RUFY3: variants seen among roughly 807,000 people sequenced by gnomAD.
RUFY3 encodes protein RUFY3.
A neutral mutation model predicts 84.0 loss-of-function variants in RUFY3; 34 were observed. The ratio of observed to expected loss-of-function variants is 0.40; its 90% confidence interval spans 0.31 to 0.54. The LOEUF (loss-of-function observed/expected upper bound fraction) is 0.54. RUFY3 is among the 20% of genes least tolerant of loss of function. The pLI, the probability that RUFY3 is intolerant of heterozygous loss-of-function variation, is 0.39. For synonymous variants in RUFY3, 242 were observed against 252.9 expected (o/e 0.96, Z 0.41); for missense variants, 507 against 736.8 (o/e 0.69, Z 3.61).
chr4:70,804,359 GCT>G lies in RUFY3; in HGVS notation c.1667_1668del (p.Ser556Ter), dbSNP rs1361720440. 6.2e-7 allele frequency: 1 copy of G among 1,613,866 alleles called. No homozygotes were observed. Among genetic ancestry groups the G allele is most frequent in the African/African-American group, 1.3e-5 (1 of 74,910 alleles). On this transcript the variant is annotated frameshift_variant, in exon 17 of 18. Transcript: ENST00000381006. LOFTEE classifies it high-confidence loss of function. ...HPMDEQDQLL[L>X]SEKPQLCQLC... The stretch of plus-strand genomic sequence containing the variant: ...CCTGTGTGGTTTAGGATCAGCTGCT[GCT>G]CTCTGAAAAGCCACAGTTGTGTCAG...
chr4:70,739,229 A>G (rs754431395), intron 1 of RUFY3, among the ~76,000 whole-genome samples: 1 of 152,194 alleles, frequency 6.6e-6, no homozygotes, highest in Admixed American at 6.5e-5. Context: ...GGTTAGTTTA[A>G]TAGCACCTCA....
intron 1 of RUFY3, among the ~76,000 whole-genome samples, chr4:70,757,891 G>A (rs1364942724): frequency 2.6e-5 from 4 of 152,306 alleles, no homozygotes; most frequent in African/African-American, 9.6e-5. Context: ...CTATTGGAAT[G>A]ATAGTGTTAA....
chr4:70,790,058 TTTCTC>T (rs1194210938), intron 12 of RUFY3: 12 of 219,314 alleles, frequency 5.5e-5, no homozygotes, highest in South Asian at 3.3e-4. Context: ...CTTTAACCCT[TTTCTC>T]TTATCTCCCT....
chr4:70,760,574 T>C (rs1309213577), intron 1 of RUFY3, among the ~76,000 whole-genome samples: 1 of 151,894 alleles, frequency 6.6e-6, no homozygotes, highest in Non-Finnish European at 1.5e-5. Flanking sequence ...TTTGAGTAAT[T>C]ATAGGAGGTC....
At chr4:70,792,905 TTCA>T (rs1731039201) in intron 12 of RUFY3, 1 of 985,336 alleles carries the variant, frequency 1.0e-6, no homozygotes, top group South Asian at 4.7e-5. Flanking sequence ...TATTCTTCTC[TTCA>T]TCAACCTTTT....
intron 1 of RUFY3, among the ~76,000 whole-genome samples, chr4:70,738,607 CCG>C (rs1166236596): frequency 2.0e-5 from 3 of 151,684 alleles, no homozygotes; most frequent in Non-Finnish European, 4.4e-5. Context: ...CATGATCTGC[CCG>C]CCTCGGCCTC....
At chr4:70,762,861 A>G (rs778460454) in intron 2 of RUFY3, among the ~76,000 whole-genome samples, 169 bp downstream of exon 2, 6 of 152,304 alleles carry the variant, frequency 3.9e-5, no homozygotes, top group Non-Finnish European at 7.4e-5. Flanking sequence ...GACTCAATGG[A>G]CTTATAGGGC....
chr4:70,715,460 C>G (rs1199056923), intron 1 of RUFY3, among the ~76,000 whole-genome samples: 1 of 151,764 alleles, frequency 6.6e-6, no homozygotes, highest in Non-Finnish European at 1.5e-5. Context: ...GGTGTGTGCC[C>G]ATAATCCCAG....
chr4:70,771,434 C>T lies in RUFY3; in HGVS notation c.697-2077C>T, dbSNP rs371672626. Among the ~76,000 whole-genome samples the T allele has an allele frequency of 4.9e-4, 75 of 152,210 alleles. 1 individual carries two copies. The highest frequency in any genetic ancestry group is 1.7e-3 in the African/African-American group (72 of 41,532). On this transcript the variant is annotated intron_variant, in intron 5 of 17. Coordinates refer to ENST00000381006, the MANE Select transcript of RUFY3 (RefSeq NM_001037442.4). Reference sequence around the variant, plus strand: ...CCTAAAACTTTTCATTCCCTAAAAACGTTAAGTACTAATAGCATACGATTA... The same window carrying T: ...CCTAAAACTTTTCATTCCCTAAAAATGTTAAGTACTAATAGCATACGATTA...
intron 1 of RUFY3, among the ~76,000 whole-genome samples, chr4:70,739,901 T>C (rs1356641034): frequency 7.0e-6 from 1 of 143,876 alleles, no homozygotes; most frequent in Non-Finnish European, 1.5e-5. Context: ...TGAGGCAGGA[T>C]AATTGCTTCA....
intron 1 of RUFY3, among the ~76,000 whole-genome samples, chr4:70,726,188 C>T (rs1292010645): frequency 6.6e-6 from 1 of 152,092 alleles, no homozygotes; most frequent in African/African-American, 2.4e-5. Flanking sequence ...AGAATGTACC[C>T]GATGACTGAG....
chr4:70,708,878 C>T (rs1395712431), intron 1 of RUFY3, among the ~76,000 whole-genome samples: 2 of 149,522 alleles, frequency 1.3e-5, no homozygotes, highest in African/African-American at 2.5e-5. Context: ...TCTGTCTCTA[C>T]AAAAAAAAAA....
At chr4:70,797,357 T>A (rs1363033789) in intron 14 of RUFY3, among the ~76,000 whole-genome samples, 1 of 152,216 alleles carries the variant, frequency 6.6e-6, no homozygotes, top group East Asian at 1.9e-4. Context: ...ATTTTTGAAG[T>A]CCATGCACAG....
Position 70,808,332 on chromosome 4 carries a change from T to C in RUFY3, c.*1673T>C, listed in dbSNP as rs1284784262. On this transcript the variant is annotated 3_prime_UTR_variant, in exon 18 of 18. Transcript: ENST00000381006. The stretch of plus-strand genomic sequence containing the variant: ...AACTCTTTGGGGGAAAAGAGGGAAG[T>C]GTATTGAGCAAGAGAAGGCAAAAAA... Among the ~76,000 whole-genome samples, 6 of 152,168 alleles carry C rather than the reference T, an allele frequency of 3.9e-5. No individual in the cohort carries two copies. The East Asian group carries it at 1.2e-3, about 29-fold the overall frequency.
intron 8 of RUFY3, among the ~76,000 whole-genome samples, chr4:70,781,772 G>T (rs1262689158): frequency 6.6e-6 from 1 of 152,184 alleles, no homozygotes; most frequent in Non-Finnish European, 1.5e-5. Context: ...ACTGAGCAGA[G>T]CCTGCACCCA....
At chr4:70,727,256 C>T (rs1316335157) in intron 1 of RUFY3, among the ~76,000 whole-genome samples, 5 of 143,786 alleles carry the variant, frequency 3.5e-5, no homozygotes, top group East Asian at 4.0e-4. Flanking sequence ...TTTATTTTTG[C>T]GATTTTTTTT....
At position 70,746,119 on chromosome 4, in the gene RUFY3, G is replaced by A. The variant is rs139446618; in HGVS notation, c.179-16400G>A. ...AGCACTTTGGGATGCCAAGGTGGGC[G>A]GATCACTTGATGCCAGGAGTTCAAG... On this transcript the variant is annotated intron_variant, in intron 1 of 17. Transcript: ENST00000381006. Among the ~76,000 whole-genome samples the A allele has an allele frequency of 4.8e-3, 723 of 151,740 alleles. 11 individuals carry two copies. Among genetic ancestry groups the A allele is most frequent in the African/African-American group, 0.016 (675 of 41,372 alleles).
intron 1 of RUFY3, among the ~76,000 whole-genome samples, chr4:70,730,572 C>CAAAAAA (rs796173421): frequency 0.053 from 5,597 of 106,064 alleles, 449 homozygotes; most frequent in African/African-American, 0.19. Context: ...ACTAAAAATA[C>CAAAAAA]AAAAAAAAAA....
At chr4:70,709,316 A>G (rs1740706135) in intron 1 of RUFY3, among the ~76,000 whole-genome samples, 1 of 152,240 alleles carries the variant, frequency 6.6e-6, no homozygotes, top group Non-Finnish European at 1.5e-5. Flanking sequence ...ATTTGATTTT[A>G]TAAATGTACA....
Sources: allele counts gnomAD v4.1 joint callset (sites outside exome capture counted in the v4.1 genomes callset), GRCh38; gene constraint gnomAD v4.1.1; transcripts MANE v1.5; gene names NCBI Gene and HGNC (gene_info 2026-07-23, HGNC 2026-07-21).